MYO7B: variants seen among roughly 807,000 people sequenced by gnomAD.
The protein encoded by MYO7B is unconventional myosin-VIIb.
A neutral mutation model predicts 259.7 loss-of-function variants in MYO7B; 212 were observed. The observed-to-expected ratio is 0.82, with a 90% confidence interval of 0.73 to 0.91. The LOEUF (loss-of-function observed/expected upper bound fraction) is 0.91, where lower values mean the gene tolerates loss of function less well. Ranked by LOEUF, MYO7B falls within the 40% of genes least tolerant of loss-of-function variation. The probability of loss-of-function intolerance (pLI) is 0.00; values close to 1 mark genes in which losing one functional copy is unlikely to be tolerated. For synonymous variants in MYO7B, 1,197 were observed against 1,166.4 expected (o/e 1.03, Z -0.54); for missense variants, 2,732 against 2,813.5 (o/e 0.97, Z 0.66).
intron 2 of MYO7B, among the ~76,000 whole-genome samples, chr2:127,560,103 G>A (rs1678013290): frequency 2.0e-5 from 3 of 150,344 alleles, no homozygotes; most frequent in South Asian, 2.1e-4. Flanking sequence ...CTCAGCTCAC[G>A]GTGACCTCTG....
chr2:127,604,291 C>G (rs566382336), intron 19 of MYO7B, among the ~76,000 whole-genome samples: 1 of 152,296 alleles, frequency 6.6e-6, no homozygotes, highest in East Asian at 1.9e-4. Context: ...AACCTCATGA[C>G]CCAAACTTTG....
chr2:127,628,545 TGGG>T lies in MYO7B; in HGVS notation c.4624+11_4624+13del. ...GACAGGAAGGCCACAGGTGCCAGAC[TGGG>T]TGGGGTGGGGTGGGGTGGGGTGGGG... On this transcript the variant is annotated intron_variant, in intron 34 of 47. Coordinates refer to ENST00000409816, the MANE Select transcript of MYO7B (RefSeq NM_001393586.1). This position sits in a 1 kb window ranked among gnomAD's most constrained non-coding sequence, Gnocchi z 4.8. 3.3e-6 allele frequency: 1 copy of T among 299,502 alleles called. No individual in the cohort carries two copies. The highest frequency in any genetic ancestry group is 4.8e-6 in the Non-Finnish European group (1 of 209,282). The allele number at this position is 299,502 out of a possible 1,614,324, so 18.6% of individuals were successfully genotyped here. A position where few individuals can be genotyped will look rare whatever the true frequency, so the allele number is the denominator to read the frequency against.
rs146781684 is a variant in MYO7B, at chr2:127,604,140, A to G, written c.2340-1704A>G. Among the ~76,000 whole-genome samples the G allele has an allele frequency of 8.7e-4, 132 of 152,368 alleles. No individual in the cohort carries two copies. In the East Asian group the frequency reaches 0.014, roughly 16 times the overall value. ...AGAGGGAGCCTCCATCTCAAAAAAA[A>G]GAAAGAAAATCTGTTGTTGAGTGTA... On this transcript the variant is annotated intron_variant, in intron 19 of 47. Coordinates refer to ENST00000409816, the MANE Select transcript of MYO7B (RefSeq NM_001393586.1).
intron 15 of MYO7B, 52 bp downstream of exon 15, chr2:127,588,607 C>A (rs1346750210): frequency 6.3e-7 from 1 of 1,598,864 alleles, no homozygotes; most frequent in Non-Finnish European, 8.5e-7. Context: ...GCTACAGGGC[C>A]AGACAGACAT....
At chr2:127,544,452 A>AG (rs1384298278) in intron 1 of MYO7B, among the ~76,000 whole-genome samples, 8 of 152,192 alleles carry the variant, frequency 5.3e-5, no homozygotes, top group Admixed American at 5.2e-4. Flanking sequence ...TCTGTCACCC[A>AG]GGCTGGAGTG....
chr2:127,626,842 A>G (rs1021405963), intron 31 of MYO7B, 133 bp from the exon 32 acceptor site: 92 of 809,652 alleles, frequency 1.1e-4, no homozygotes, highest in Middle Eastern at 6.9e-4. Context: ...GCCTCCCTAC[A>G]GGATCCATCT....
intron 36 of MYO7B, 64 bp downstream of exon 36, chr2:127,630,972 C>T (rs1681464213): frequency 6.1e-6 from 9 of 1,478,642 alleles, no homozygotes; most frequent in Non-Finnish European, 8.2e-6. Flanking sequence ...CACCTCATTG[C>T]ACCCCCTGCT....
intron 14 of MYO7B, among the ~76,000 whole-genome samples, chr2:127,587,549 TC>T (rs1362140267): frequency 6.7e-6 from 1 of 149,014 alleles, no homozygotes; most frequent in Non-Finnish European, 1.5e-5. Flanking sequence ...TGTCCTCATC[TC>T]CCCTTCTTTC....
Position 127,633,269 on chromosome 2 carries a change from G to A in MYO7B, c.5417G>A (p.Arg1806Gln), listed in dbSNP as rs747583840. 7 of 1,610,722 alleles carry A rather than the reference G, an allele frequency of 4.3e-6. No individual in the cohort carries two copies. Among genetic ancestry groups the A allele is most frequent in the Admixed American group, 3.3e-5 (2 of 59,780 alleles). The change falls in exon 40 of 48, where the codon CGG (arginine) becomes CAG (glutamine). Residue 1806 changes from arginine (R) to glutamine (Q), a missense_variant. By Grantham distance (43) the Arg-to-Gln change is conservative. Transcript: ENST00000409816. ...RIQKVLRTGP[R>Q]KQPPHQVEVE... The stretch of plus-strand genomic sequence containing the variant: ...GCTGTCCCCCTCAGGACGGGGCCCC[G>A]GAAGCAGCCCCCGCACCAGGTGGAG...
At position 127,636,712 on chromosome 2, in the gene MYO7B, G is replaced by C. The variant is rs1399619521; in HGVS notation, c.6208-82G>C. 20 of 1,609,900 alleles carry C rather than the reference G, an allele frequency of 1.2e-5. No individual in the cohort carries two copies. Among genetic ancestry groups the C allele is most frequent in the Non-Finnish European group, 8.5e-7 (1 of 1,177,916 alleles). On this transcript the variant is annotated intron_variant, in intron 46 of 47. Transcript: ENST00000409816. The surrounding 1 kb of genome is among the most constrained non-coding windows in gnomAD (Gnocchi z 4.5). Reference sequence around the variant, plus strand: ...GGGGCTGCAGTCATCTCTGCGGTGTGTCCTGCCTCTCTCCTGTCCCCTAAC... The same window carrying C: ...GGGGCTGCAGTCATCTCTGCGGTGTCTCCTGCCTCTCTCCTGTCCCCTAAC...
chr2:127,561,866 A>G (rs578033901), intron 2 of MYO7B, among the ~76,000 whole-genome samples: 17 of 152,324 alleles, frequency 1.1e-4, no homozygotes, highest in African/African-American at 4.1e-4. Flanking sequence ...CAGTCCTGGA[A>G]GCTGGAAGTC....
At chr2:127,573,448 G>T (rs1678730818) in intron 6 of MYO7B, among the ~76,000 whole-genome samples, 1 of 152,192 alleles carries the variant, frequency 6.6e-6, no homozygotes, top group Non-Finnish European at 1.5e-5. Flanking sequence ...CACGCTGTTG[G>T]CACTCCCCAT....
In MYO7B at chr2:127,634,222, G is replaced by C; in HGVS notation, c.5558G>C (p.Ser1853Thr). Residue 1853 changes from serine (S) to threonine (T), a missense_variant, in exon 41 of 48, where the codon AGC becomes ACC. Around this residue, in one of 3 missense-constraint regions of MYO7B, gnomAD observed 821 missense variants for 769.3 expected, o/e 1.07. Transcript: ENST00000409816. ...ANTRVRDVCDSIATRLQLASW... is the reference protein window; with the variant it reads ...ANTRVRDVCDTIATRLQLASW... The stretch of plus-strand genomic sequence containing the variant: ...ACACGGGTGCGGGATGTGTGTGACA[G>C]CATTGCCACCAGGCTGCAGCTGGCC... The C allele has an allele frequency of 6.3e-7, 1 of 1,599,982 alleles. No individual in the cohort carries two copies. Among genetic ancestry groups the C allele is most frequent in the East Asian group, 2.2e-5 (1 of 44,708 alleles).
rs898024061 is a variant in MYO7B at position 127,606,024 on chromosome 2, C to T, written c.2424+96C>T. The T allele has an allele frequency of 7.9e-6, 8 of 1,007,448 alleles. No individual in the cohort carries two copies. The South Asian group carries it at 1.1e-4, about 14-fold the overall frequency. 62.4% of individuals were successfully genotyped at this position (1,007,448 alleles called of 1,614,324 possible). The stretch of plus-strand genomic sequence containing the variant: ...AAAGTTTGTTTCTCTGAATGAGAGA[C>T]CTCAGGCAGGAAGGATCAAATCATT... On this transcript the variant is annotated intron_variant, in intron 20 of 47. Transcript: ENST00000409816.
chr2:127,636,892 C>A lies in MYO7B; in HGVS notation c.6306C>A (p.Arg2102=). ...TGGGGAGCCTGGGCCGTGGCAGCCG[C>A]CTGCTGTGCGAGACCTCCCTGGTGA... The part of the protein sequence containing the change: ...MALGSLGRGS[R]LLCETSLGYK... Residue 2102 remains arginine, a synonymous_variant, in exon 47 of 48, where the codon CGC becomes CGA. Transcript: ENST00000409816. The surrounding 1 kb of genome is among the most constrained non-coding windows in gnomAD (Gnocchi z 4.5). 6.2e-7 allele frequency: 1 copy of A among 1,613,214 alleles called. No homozygotes were observed.
In MYO7B at chr2:127,628,131, C is replaced by T. The variant is rs574506864; in HGVS notation, c.4461-241C>T. The T allele has an allele frequency of 1.1e-5, 7 of 663,010 alleles. No homozygotes were observed. The highest frequency in any genetic ancestry group is 1.4e-5 in the Non-Finnish European group (5 of 360,768). The allele number at this position is 663,010 out of a possible 1,614,324, so 41.1% of individuals were successfully genotyped here. A position where few individuals can be genotyped will look rare whatever the true frequency, so the allele number is the denominator to read the frequency against. On this transcript the variant is annotated intron_variant, in intron 33 of 47. Coordinates refer to ENST00000409816, the MANE Select transcript of MYO7B (RefSeq NM_001393586.1). This position sits in a 1 kb window ranked among gnomAD's most constrained non-coding sequence, Gnocchi z 4.8. ...CACTGCACACCAGCCACCTCATTAT[C>T]TGCCCACAGCCAACCCCACACATGG...
At chr2:127,579,680 G>A (rs1346679849) in intron 9 of MYO7B, among the ~76,000 whole-genome samples, 1 of 152,190 alleles carries the variant, frequency 6.6e-6, no homozygotes, top group Non-Finnish European at 1.5e-5. Flanking sequence ...CCACCTCCCA[G>A]GTTCAAGCGA....
At chr2:127,555,207 A>G (rs550426864) in intron 1 of MYO7B, among the ~76,000 whole-genome samples, 1 of 152,274 alleles carries the variant, frequency 6.6e-6, no homozygotes, top group South Asian at 2.1e-4. Context: ...TTGGCCTCCC[A>G]AAGTGCTGGG....
In MYO7B at chr2:127,636,988, C is replaced by G. The variant is rs756218963; in HGVS notation, c.6327+75C>G. The G allele has an allele frequency of 1.1e-5, 17 of 1,583,904 alleles. No individual in the cohort carries two copies. Among genetic ancestry groups the G allele is most frequent in the Admixed American group, 7.0e-5 (4 of 56,996 alleles). On this transcript the variant is annotated intron_variant, in intron 47 of 47. Coordinates refer to ENST00000409816, the MANE Select transcript of MYO7B (RefSeq NM_001393586.1). The surrounding 1 kb of genome is among the most constrained non-coding windows in gnomAD (Gnocchi z 4.5). ...GGAGACTGGGTTCCCCACCCTCACC[C>G]CTTTCAAGTGGCTCACTAAGAGGGC...
Sources: allele counts gnomAD v4.1 joint callset (sites outside exome capture counted in the v4.1 genomes callset), GRCh38; gene constraint gnomAD v4.1.1; regional missense constraint gnomAD v4.1.1; non-coding constraint Gnocchi (gnomAD v3.1); transcripts MANE v1.5; gene names NCBI Gene and HGNC (gene_info 2026-07-23, HGNC 2026-07-21).